The following FAM171B variants were observed in gnomAD, a reference collection of about 807,000 sequenced individuals.
FAM171B encodes family with sequence similarity 171 member B.
In FAM171B, 19 loss-of-function variants were observed where a neutral mutation model predicts 75.6. The observed-to-expected ratio is 0.25, with a 90% confidence interval of 0.18 to 0.37. FAM171B has a LOEUF of 0.37. Ranked by LOEUF, FAM171B falls within the 10% of genes least tolerant of loss-of-function variation. The pLI is 1.00. For missense variants in FAM171B, 848 were observed against 982.4 expected (o/e 0.86, Z 1.83); for synonymous variants, 367 against 361.7 (o/e 1.01, Z -0.17).
chr2:186,736,567 GGAGAGA>G (rs35704183), intron 1 of FAM171B, among the ~76,000 whole-genome samples: 1 of 104,588 alleles, frequency 9.6e-6, no homozygotes, highest in African/African-American at 3.4e-5. Flanking sequence ...TGTGTGTGTG[GGAGAGA>G]GAGAGAGAGA....
At chr2:186,701,178 C>A (rs1222226992) in intron 1 of FAM171B, among the ~76,000 whole-genome samples, 3 of 152,106 alleles carry the variant, frequency 2.0e-5, no homozygotes, top group African/African-American at 7.2e-5. Context: ...ACCTCAGCCT[C>A]CCAAAATGCT....
At chr2:186,747,321 CT>C (rs1690379276) in intron 4 of FAM171B, 71 bp downstream of exon 4, 1 of 1,088,580 alleles carries the variant, frequency 9.2e-7, no homozygotes, top group Non-Finnish European at 1.3e-6. Context: ...AAATATTTAG[CT>C]ATCTATAATA....
At chr2:186,733,171 C>A (rs936742867) in intron 1 of FAM171B, among the ~76,000 whole-genome samples, 11 of 152,138 alleles carry the variant, frequency 7.2e-5, no homozygotes, top group Non-Finnish European at 1.6e-4. Flanking sequence ...CTATCTGAAT[C>A]TTCGTTTTTT....
chr2:186,712,012 G>A, intron 1 of FAM171B, among the ~76,000 whole-genome samples: 1 of 152,074 alleles, frequency 6.6e-6, no homozygotes, highest in Non-Finnish European at 1.5e-5. Context: ...ATTTCTTTAA[G>A]GCATAGGTAC....
intron 3 of FAM171B, among the ~76,000 whole-genome samples, chr2:186,746,536 A>C (rs754717923): frequency 6.6e-6 from 1 of 152,234 alleles, no homozygotes; most frequent in Non-Finnish European, 1.5e-5. Context: ...CTGGTTCTCT[A>C]TTACTCAACT....
intron 1 of FAM171B, among the ~76,000 whole-genome samples, chr2:186,730,116 A>G (rs1455203938): frequency 6.6e-6 from 1 of 152,100 alleles, no homozygotes; most frequent in Non-Finnish European, 1.5e-5. Flanking sequence ...ACGTGCCACC[A>G]CACCTAGCTA....
intron 1 of FAM171B, among the ~76,000 whole-genome samples, chr2:186,708,292 A>G (rs1454946014): frequency 6.6e-6 from 1 of 152,152 alleles, no homozygotes; most frequent in East Asian, 1.9e-4. Flanking sequence ...TTAACACATC[A>G]TATGCCAGTT....
rs1433860900 is a variant in FAM171B, at chr2:186,740,384, G to A, written c.395G>A (p.Gly132Glu). The A allele has an allele frequency of 6.2e-7, 1 of 1,613,894 alleles. No individual in the cohort carries two copies. The highest frequency in any genetic ancestry group is 2.2e-5 in the East Asian group (1 of 44,882). The change falls in exon 2 of 8, where the codon GGA becomes GAA. Residue 132 changes from glycine to glutamate, a missense_variant. Coordinates refer to ENST00000304698, the MANE Select transcript of FAM171B (RefSeq NM_177454.4). The stretch of plus-strand genomic sequence containing the variant: ...CTGATAAAAGTACCCTACAAATTAG[G>A]ACTTAGTTTAACTATTATTGCTTAC... Reference protein sequence around the residue: ...AVLIKVPYKLGLSLTIIAYKD... With the variant: ...AVLIKVPYKLELSLTIIAYKD...
chr2:186,753,208 G>T (rs879487459), intron 5 of FAM171B, among the ~76,000 whole-genome samples: 26 of 152,046 alleles, frequency 1.7e-4, no homozygotes, highest in Non-Finnish European at 3.1e-4. Context: ...GAGTGCAGTG[G>T]CGCACTCTCA....
At chr2:186,705,313 T>A (rs572819349) in intron 1 of FAM171B, among the ~76,000 whole-genome samples, 8 of 152,316 alleles carry the variant, frequency 5.3e-5, no homozygotes, top group Admixed American at 4.6e-4. Flanking sequence ...AACTCCAGGC[T>A]GTTGCCATGG....
intron 1 of FAM171B, among the ~76,000 whole-genome samples, chr2:186,726,370 T>C (rs915637626): frequency 6.6e-5 from 10 of 152,068 alleles, no homozygotes; most frequent in Non-Finnish European, 1.5e-4. Context: ...ATTTTACTGA[T>C]TTTTTTTAAT....
intron 1 of FAM171B, among the ~76,000 whole-genome samples, chr2:186,702,461 G>A (rs1327333419): frequency 6.6e-6 from 1 of 152,170 alleles, no homozygotes; most frequent in African/African-American, 2.4e-5. Context: ...GATTCTGTTT[G>A]GAGATGCCTC....
At chr2:186,725,213 A>T (rs2682865) in intron 1 of FAM171B, among the ~76,000 whole-genome samples, 1 of 151,824 alleles carries the variant, frequency 6.6e-6, no homozygotes, top group Non-Finnish European at 1.5e-5. Flanking sequence ...GCGTGGTGGC[A>T]GGCACCTGTA....
intron 1 of FAM171B, among the ~76,000 whole-genome samples, chr2:186,700,092 A>C (rs2105770016): frequency 1.3e-5 from 2 of 151,288 alleles, no homozygotes; most frequent in South Asian, 4.2e-4. Flanking sequence ...TTTTTAGCTC[A>C]GGGTGGCTTT....
At position 186,747,097 on chromosome 2, in the gene FAM171B, A is replaced by T. The variant is rs781604991; in HGVS notation, c.571A>T (p.Lys191Ter). Residue 191 changes from lysine to a stop codon, truncating the protein, a stop_gained, in exon 4 of 8, where the codon AAG becomes TAG. Transcript: ENST00000304698. LOFTEE classifies it high-confidence loss of function. ...VLITGKLADA[K>*]SQPSVQFSKA... Reference sequence around the variant, plus strand: ...TGAGGTTTCCTTTTTTCCAGATGCCAAGTCTCAACCAAGTGTTCAGTTTTC... The same window carrying T: ...TGAGGTTTCCTTTTTTCCAGATGCCTAGTCTCAACCAAGTGTTCAGTTTTC... The T allele has an allele frequency of 8.2e-6, 13 of 1,579,174 alleles. No homozygotes were observed.
At chr2:186,718,217 A>G (rs757743040) in intron 1 of FAM171B, among the ~76,000 whole-genome samples, 4 of 152,084 alleles carry the variant, frequency 2.6e-5, no homozygotes, top group Admixed American at 6.6e-5. Context: ...CCATTTTACA[A>G]ATTGCTCCCA....
intron 4 of FAM171B, among the ~76,000 whole-genome samples, chr2:186,749,822 G>A (rs1690423388): frequency 6.6e-6 from 1 of 152,032 alleles, no homozygotes; most frequent in Non-Finnish European, 1.5e-5. Flanking sequence ...CTTCCCATTT[G>A]GCTGCAGCTC....
intron 6 of FAM171B, among the ~76,000 whole-genome samples, chr2:186,758,969 C>T (rs1049550743): frequency 3.9e-5 from 6 of 151,916 alleles, no homozygotes; most frequent in Non-Finnish European, 7.4e-5. Flanking sequence ...CCCTTCCCAG[C>T]CTCTGGTAAA....
intron 1 of FAM171B, among the ~76,000 whole-genome samples, chr2:186,700,852 T>C (rs1160754297): frequency 1.3e-5 from 2 of 152,196 alleles, no homozygotes; most frequent in East Asian, 1.9e-4. Context: ...GATGATTACT[T>C]TAAAAATAAT....
Sources: allele counts gnomAD v4.1 joint callset (sites outside exome capture counted in the v4.1 genomes callset), GRCh38; gene constraint gnomAD v4.1.1; transcripts MANE v1.5; gene names NCBI Gene and HGNC (gene_info 2026-07-23, HGNC 2026-07-21).